The following FRAS1 variants were observed in gnomAD, a reference collection of about 807,000 sequenced individuals.
FRAS1 encodes the protein Fraser extracellular matrix complex subunit 1.
A neutral mutation model predicts 435.2 loss-of-function variants in FRAS1; 290 were observed. The observed-to-expected ratio is 0.67, with a 90% CI of 0.61 to 0.73. FRAS1 has a LOEUF of 0.73. Among genes scored for constraint, FRAS1 ranks in the 30% least tolerant of loss-of-function variants. The pLI, the probability that FRAS1 is intolerant of heterozygous loss-of-function variation, is 0.00. For missense variants in FRAS1, 4,860 were observed against 5,001.5 expected (o/e 0.97, Z 0.85); for synonymous variants, 1,800 against 1,851.0 (o/e 0.97, Z 0.71).
chr4:78,329,101 G>T (rs911553647), intron 18 of FRAS1, among the ~76,000 whole-genome samples: 4 of 152,190 alleles, frequency 2.6e-5, no homozygotes, highest in Non-Finnish European at 4.4e-5. Context: ...CGTAGACCCA[G>T]ACATTCTGCT....
chr4:78,138,740 T>C (rs1720032029), intron 2 of FRAS1, among the ~76,000 whole-genome samples: 1 of 152,152 alleles, frequency 6.6e-6, no homozygotes, highest in Non-Finnish European at 1.5e-5. Context: ...AGAACATGAA[T>C]GCATATGAGA....
intron 17 of FRAS1, 125 bp downstream of exon 17, chr4:78,317,633 A>T (rs1252605895): frequency 1.2e-6 from 1 of 849,730 alleles, no homozygotes; most frequent in South Asian, 2.0e-5. Context: ...CTATCCATAC[A>T]TTATATGCAT....
chr4:78,515,972 C>T lies in FRAS1; in HGVS notation c.10348C>T (p.Leu3450=). The T allele has an allele frequency of 2.5e-6, 4 of 1,613,890 alleles. No individual in the cohort carries two copies. The highest frequency in any genetic ancestry group is 4.5e-5 in the East Asian group (2 of 44,860). The change falls in exon 66 of 74, where the codon CTG becomes TTG. Residue 3450 remains leucine, a synonymous_variant. Coordinates refer to ENST00000512123, the MANE Select transcript of FRAS1 (RefSeq NM_025074.7). ...TFDAYYDMTE[L]IDVCGGSVTA... ...TGATGCTTATTATGACATGACTGAG[C>T]TGATTGACGTCTGTGGGGGCTCTGT...
chr4:78,383,048 A>G (rs752093058), intron 27 of FRAS1, among the ~76,000 whole-genome samples: 2 of 152,178 alleles, frequency 1.3e-5, no homozygotes, highest in Non-Finnish European at 2.9e-5. Flanking sequence ...AATCCCCATA[A>G]TGCAGTAGTC....
At chr4:78,181,491 C>A (rs1339201050) in intron 2 of FRAS1, 1 of 1,611,590 alleles carries the variant, frequency 6.2e-7, no homozygotes, top group African/African-American at 1.3e-5. Flanking sequence ...CCACGAGAAT[C>A]AAATCCATCT....
intron 59 of FRAS1, among the ~76,000 whole-genome samples, chr4:78,493,497 C>G (rs1031582759): frequency 3.3e-5 from 5 of 152,110 alleles, no homozygotes; most frequent in African/African-American, 1.2e-4. Context: ...TGAGTTCATT[C>G]CTTTGCAGGG....
intron 63 of FRAS1, among the ~76,000 whole-genome samples, chr4:78,510,895 A>G (rs941690076): frequency 6.6e-6 from 1 of 152,216 alleles, no homozygotes; most frequent in African/African-American, 2.4e-5. Flanking sequence ...TCCTGACATC[A>G]TGCTCTCAGC....
At chr4:78,538,683 G>A (rs988334814) in intron 72 of FRAS1, among the ~76,000 whole-genome samples, 9 of 152,134 alleles carry the variant, frequency 5.9e-5, no homozygotes, top group Non-Finnish European at 8.8e-5. Flanking sequence ...GTCCGGGCGC[G>A]GTGGCTCAAG....
chr4:78,108,448 C>T (rs1199162823), intron 2 of FRAS1, among the ~76,000 whole-genome samples: 2 of 80,076 alleles, frequency 2.5e-5, no homozygotes, highest in East Asian at 5.9e-4. Context: ...AAGAATCTCA[C>T]TCAAAGCCGT....
At chr4:78,342,502 G>A (rs1730432317) in intron 20 of FRAS1, among the ~76,000 whole-genome samples, 1 of 152,166 alleles carries the variant, frequency 6.6e-6, no homozygotes, top group Non-Finnish European at 1.5e-5. Flanking sequence ...GGGAGACACA[G>A]TTACTTTCTA....
intron 6 of FRAS1, among the ~76,000 whole-genome samples, chr4:78,256,121 T>C (rs1725785370): frequency 6.6e-6 from 1 of 152,208 alleles, no homozygotes; most frequent in South Asian, 2.1e-4. Context: ...AGCAGTACTT[T>C]GTGTCAAATG....
intron 4 of FRAS1, among the ~76,000 whole-genome samples, chr4:78,247,079 T>C (rs933056595): frequency 1.6e-4 from 24 of 152,130 alleles, no homozygotes; most frequent in African/African-American, 5.8e-4. Context: ...TAAGGGCATG[T>C]TGGTCATTAA....
At chr4:78,522,079 T>C (rs775047319) in intron 68 of FRAS1, among the ~76,000 whole-genome samples, 16 of 152,254 alleles carry the variant, frequency 1.1e-4, no homozygotes, top group Non-Finnish European at 1.8e-4. Context: ...TATATTGCTT[T>C]AGTTTCTTTT....
chr4:78,383,677 G>A (rs192262185), intron 27 of FRAS1, among the ~76,000 whole-genome samples: 104 of 152,292 alleles, frequency 6.8e-4, no homozygotes, highest in Admixed American at 3.9e-3. Context: ...AGAGGGAATC[G>A]TGGAGAACTG....
chr4:78,394,572 G>C (rs1459193332), intron 29 of FRAS1, among the ~76,000 whole-genome samples: 1 of 151,878 alleles, frequency 6.6e-6, no homozygotes, highest in Non-Finnish European at 1.5e-5. Flanking sequence ...CTATGTATTT[G>C]TTCTTATTCC....
intron 14 of FRAS1, among the ~76,000 whole-genome samples, chr4:78,305,704 C>A (rs145045697): frequency 0.012 from 1,846 of 151,074 alleles, 33 homozygotes; most frequent in South Asian, 0.047. Flanking sequence ...TTTTTGTTTT[C>A]CATTTGCTTG....
chr4:78,443,430 A>C (rs929028798), intron 41 of FRAS1, among the ~76,000 whole-genome samples: 2 of 151,708 alleles, frequency 1.3e-5, no homozygotes, highest in South Asian at 2.1e-4. Context: ...AAAAACTGTT[A>C]AAAGAACCAG....
chr4:78,453,553 C>CT (rs1719090279), intron 47 of FRAS1, among the ~76,000 whole-genome samples: 1 of 152,130 alleles, frequency 6.6e-6, no homozygotes, highest in Non-Finnish European at 1.5e-5. Flanking sequence ...AATCTCAGCA[C>CT]TTTGGGAGGT....
chr4:78,317,227 C>CA (rs1224422779), intron 16 of FRAS1, 141 bp from the exon 17 acceptor site: 1 of 902,904 alleles, frequency 1.1e-6, no homozygotes, highest in African/African-American at 1.7e-5. Context: ...GCAGTGTAAC[C>CA]ACCTCCTAAC....
Sources: allele counts gnomAD v4.1 joint callset (sites outside exome capture counted in the v4.1 genomes callset), GRCh38; gene constraint gnomAD v4.1.1; transcripts MANE v1.5; gene names NCBI Gene and HGNC (gene_info 2026-07-23, HGNC 2026-07-21).